Variants in KIRREL3 observed in about 807,000 individuals in gnomAD.
The protein encoded by KIRREL3 is kirre like nephrin family adhesion molecule 3, also known as kin of IRRE-like protein 3.
KIRREL3 carries 36 observed loss-of-function variants against 89.7 expected under a neutral mutation model. That is an observed-to-expected ratio of 0.40 (90% CI 0.31 to 0.53). The LOEUF (loss-of-function observed/expected upper bound fraction) is 0.53, where lower values mean the gene tolerates loss of function less well. Among genes scored for constraint, KIRREL3 ranks in the 20% least tolerant of loss-of-function variants. KIRREL3 has a pLI of 0.49. For synonymous variants in KIRREL3, 445 were observed against 441.4 expected (o/e 1.01, Z -0.10); for missense variants, 864 against 1,056.6 (o/e 0.82, Z 2.53).
chr11:126,670,314 TAA>T (rs1945878855), intron 1 of KIRREL3, among the ~76,000 whole-genome samples: 1 of 152,148 alleles, frequency 6.6e-6, no homozygotes, highest in African/African-American at 2.4e-5. Flanking sequence ...TAACTTAATA[TAA>T]AGAGTATAAG....
rs1187366214 is a variant in KIRREL3, at chr11:126,900,585, T to G, written c.55+99870A>C. ...AAATAGATTTAAGATAATGGCCCTA[T>G]TCTCCTCAGAATAAATTAAGCTCAG... On this transcript the variant is annotated intron_variant, in intron 1 of 16. Coordinates refer to ENST00000525144, the MANE Select transcript of KIRREL3 (RefSeq NM_032531.4). This position sits in a 1 kb window ranked among gnomAD's most constrained non-coding sequence, Gnocchi z 4.4. 1.3e-5 allele frequency among the ~76,000 whole-genome samples: 2 copies of G among 152,230 alleles called. No homozygotes were observed. The highest frequency in any genetic ancestry group is 4.8e-5 in the African/African-American group (2 of 41,466).
At chr11:126,968,387 C>T (rs1481357670) in intron 1 of KIRREL3, among the ~76,000 whole-genome samples, 1 of 152,122 alleles carries the variant, frequency 6.6e-6, no homozygotes, top group Non-Finnish European at 1.5e-5. Context: ...GAAGGAAAGG[C>T]TAATGTATCA....
At chr11:126,839,012 GCCTC>G (rs1487259469) in intron 1 of KIRREL3, among the ~76,000 whole-genome samples, 7 of 152,200 alleles carry the variant, frequency 4.6e-5, no homozygotes, top group Non-Finnish European at 1.0e-4. Context: ...TGCATGGGCT[GCCTC>G]CAAGGGAGGA....
At chr11:126,434,412 G>A (rs914685197) in intron 13 of KIRREL3, among the ~76,000 whole-genome samples, 2 of 152,258 alleles carry the variant, frequency 1.3e-5, no homozygotes, top group Non-Finnish European at 2.9e-5. Context: ...GGTTGCCCCA[G>A]TGTGGGCTGC....
chr11:126,889,434 T>G (rs1197440323), intron 1 of KIRREL3, among the ~76,000 whole-genome samples: 2 of 152,204 alleles, frequency 1.3e-5, no homozygotes, highest in Non-Finnish European at 2.9e-5. Flanking sequence ...AATATCCCAT[T>G]GTGTGGAGGC....
Position 126,643,629 on chromosome 11 carries a change from A to G in KIRREL3, c.56-80717T>C, listed in dbSNP as rs1294499428. Among the ~76,000 whole-genome samples the G allele has an allele frequency of 1.3e-5, 2 of 152,212 alleles. No homozygotes were observed. The highest frequency in any genetic ancestry group is 2.9e-5 in the Non-Finnish European group (2 of 68,032). ...AGTGCATTAGTAGGGATTCTGGAGCAAGGCATAACTGTGGTTTAGGAAGAT... is the reference window on the plus strand; with the variant it reads ...AGTGCATTAGTAGGGATTCTGGAGCGAGGCATAACTGTGGTTTAGGAAGAT... On this transcript the variant is annotated intron_variant, in intron 1 of 16. Transcript: ENST00000525144. This position sits in a 1 kb window ranked among gnomAD's most constrained non-coding sequence, Gnocchi z 4.5.
chr11:126,585,277 G>A (rs1208890441), intron 1 of KIRREL3, among the ~76,000 whole-genome samples: 1 of 131,760 alleles, frequency 7.6e-6, no homozygotes, highest in Non-Finnish European at 1.6e-5. Context: ...CCAGGCTGGG[G>A]TGCAATGGTG....
chr11:126,803,895 G>A lies in KIRREL3; in HGVS notation c.55+196560C>T, dbSNP rs536327737. ...CATCTATATCTGTTGCCAAGGCAAT[G>A]GGTAATAACATCAAATTGGAAGCGG... On this transcript the variant is annotated intron_variant, in intron 1 of 16. Transcript: ENST00000525144. 2.0e-5 allele frequency among the ~76,000 whole-genome samples: 3 copies of A among 152,330 alleles called. No individual in the cohort carries two copies. The South Asian group carries it at 6.2e-4, about 32-fold the overall frequency.
At chr11:126,793,323 T>C (rs1224748482) in intron 1 of KIRREL3, among the ~76,000 whole-genome samples, 1 of 152,214 alleles carries the variant, frequency 6.6e-6, no homozygotes. Flanking sequence ...AATAAGGTTG[T>C]AGTGCTGAAC....
intron 1 of KIRREL3, among the ~76,000 whole-genome samples, chr11:126,922,431 T>A (rs1947388053): frequency 6.6e-6 from 1 of 152,088 alleles, no homozygotes; most frequent in African/African-American, 2.4e-5. Context: ...AGCCGACAGA[T>A]AAGTATTTCC....
rs1370429840 is a variant in KIRREL3 at position 126,551,725 on chromosome 11, C to T, written c.133+11110G>A. Among the ~76,000 whole-genome samples the T allele has an allele frequency of 1.3e-5, 2 of 151,052 alleles. No individual in the cohort carries two copies. Among genetic ancestry groups the T allele is most frequent in the African/African-American group, 4.9e-5 (2 of 40,904 alleles). On this transcript the variant is annotated intron_variant, in intron 2 of 16. Transcript: ENST00000525144. The surrounding 1 kb of genome is among the most constrained non-coding windows in gnomAD (Gnocchi z 4.9). ...AGTGCAATGGTGTGACCTCGGCTCA[C>T]TGCAACCTCTCCTGGGTTCAAGCGA...
rs10893544 is a variant in KIRREL3 at position 126,594,714 on chromosome 11, C to T, written c.56-31802G>A. Among the ~76,000 whole-genome samples, 17,986 of 152,182 alleles carry T rather than the reference C, an allele frequency of 0.12. 1,098 individuals are homozygous for T. Among genetic ancestry groups the T allele is most frequent in the East Asian group, 0.2 (1,045 of 5,164 alleles). On this transcript the variant is annotated intron_variant, in intron 1 of 16. Coordinates refer to ENST00000525144, the MANE Select transcript of KIRREL3 (RefSeq NM_032531.4). The surrounding 1 kb of genome is among the most constrained non-coding windows in gnomAD (Gnocchi z 5.0). Reference sequence around the variant, plus strand: ...TAACCCATGCTCCTGGCCAACTCTCCTCTGTCCAGCCGCAGGTCCTCATAG... The same window carrying T: ...TAACCCATGCTCCTGGCCAACTCTCTTCTGTCCAGCCGCAGGTCCTCATAG...
chr11:126,470,460 G>A (rs1956855539), intron 5 of KIRREL3, among the ~76,000 whole-genome samples: 1 of 152,226 alleles, frequency 6.6e-6, no homozygotes, highest in Non-Finnish European at 1.5e-5. Flanking sequence ...CTGGCACCAG[G>A]TGCTGGGTTC....
intron 1 of KIRREL3, among the ~76,000 whole-genome samples, chr11:126,854,052 T>C (rs1242076852): frequency 6.6e-6 from 1 of 151,986 alleles, no homozygotes; most frequent in Non-Finnish European, 1.5e-5. Flanking sequence ...TGATTGTGGA[T>C]CTTTTTTTTT....
Position 126,562,760 on chromosome 11 carries a change from C to T in KIRREL3, c.133+75G>A, listed in dbSNP as rs1940221838. 7.8e-7 allele frequency: 1 copy of T among 1,278,840 alleles called. No homozygotes were observed. Among genetic ancestry groups the T allele is most frequent in the Non-Finnish European group, 1.1e-6 (1 of 880,052 alleles). The allele number at this position is 1,278,840 out of a possible 1,614,324, so 79.2% of individuals were successfully genotyped here. A position where few individuals can be genotyped will look rare whatever the true frequency, so the allele number is the denominator to read the frequency against. Reference sequence around the variant, plus strand: ...GGTCCCAGGTTCTTATTCCTGGTTCCTCTGTCCTGTGGCTGTAGGGGAGAG... The same window carrying T: ...GGTCCCAGGTTCTTATTCCTGGTTCTTCTGTCCTGTGGCTGTAGGGGAGAG... On this transcript the variant is annotated intron_variant, in intron 2 of 16. Transcript: ENST00000525144. The surrounding 1 kb of genome is among the most constrained non-coding windows in gnomAD (Gnocchi z 4.7).
intron 1 of KIRREL3, among the ~76,000 whole-genome samples, chr11:126,813,758 A>G (rs1295810251): frequency 1.3e-5 from 2 of 150,876 alleles, no homozygotes; most frequent in Non-Finnish European, 3.0e-5. Flanking sequence ...CTACAAAGTG[A>G]TGAAACAAAG....
Position 126,611,436 on chromosome 11 carries a change from G to A in KIRREL3, c.56-48524C>T, listed in dbSNP as rs1485387880. 6.6e-6 allele frequency among the ~76,000 whole-genome samples: 1 copy of A among 152,112 alleles called. No individual in the cohort carries two copies. Among genetic ancestry groups the A allele is most frequent in the African/African-American group, 2.4e-5 (1 of 41,418 alleles). ...GTCTGCATTCTCCTTGCCGTCCTTG[G>A]TATGCACACACATGCATGGAAGCTA... On this transcript the variant is annotated intron_variant, in intron 1 of 16. Coordinates refer to ENST00000525144, the MANE Select transcript of KIRREL3 (RefSeq NM_032531.4). This position sits in a 1 kb window ranked among gnomAD's most constrained non-coding sequence, Gnocchi z 4.7.
chr11:126,509,728 G>A (rs1328662263), intron 4 of KIRREL3, among the ~76,000 whole-genome samples: 1 of 152,176 alleles, frequency 6.6e-6, no homozygotes, highest in Non-Finnish European at 1.5e-5. Flanking sequence ...CAGCGTGGTA[G>A]CTCACACTTG....
intron 4 of KIRREL3, among the ~76,000 whole-genome samples, chr11:126,506,786 T>TTG (rs1555127661): frequency 2.6e-5 from 4 of 151,932 alleles, no homozygotes; most frequent in South Asian, 4.2e-4. Context: ...AATTTTTTTT[T>TTG]TTTGTTTTTG....
Sources: gnomAD v4.1 joint callset for allele counts (sites outside exome capture counted in the v4.1 genomes callset) on GRCh38, gnomAD v4.1.1 for gene constraint, Gnocchi (gnomAD v3.1) non-coding constraint, MANE v1.5 for transcripts, NCBI Gene and HGNC (gene_info 2026-07-23, HGNC 2026-07-21) for gene names.